Variants in GRID2 observed in about 807,000 individuals in gnomAD.
GRID2 encodes glutamate receptor ionotropic, delta-2.
Under a neutral mutation model 114.8 loss-of-function variants are expected in GRID2, and 33 were observed. The observed-to-expected ratio is 0.29, with a 90% CI of 0.22 to 0.38. The LOEUF (loss-of-function observed/expected upper bound fraction) is 0.38, where lower values mean the gene tolerates loss of function less well. Ranked by LOEUF, GRID2 falls within the 10% of genes least tolerant of loss-of-function variation. The probability of loss-of-function intolerance (pLI) is 1.00; values close to 1 mark genes in which losing one functional copy is unlikely to be tolerated. For missense variants in GRID2, 1,184 were observed against 1,257.7 expected (o/e 0.94, Z 0.89); for synonymous variants, 505 against 449.9 (o/e 1.12, Z -1.55).
intron 9 of GRID2, among the ~76,000 whole-genome samples, chr4:93,399,728 A>C (rs1450460203): frequency 2.6e-5 from 4 of 152,076 alleles, no homozygotes; most frequent in African/African-American, 9.7e-5. Flanking sequence ...AACTGGGAAT[A>C]AGGGATACAC....
intron 1 of GRID2, among the ~76,000 whole-genome samples, chr4:92,577,054 TG>T (rs142879446): frequency 6.6e-6 from 1 of 152,340 alleles, no homozygotes; most frequent in African/African-American, 2.4e-5. Context: ...TTCTCCATTT[TG>T]ATTTTAATAG....
At chr4:93,318,001 ATATATATATATATATATATATT>A (rs1756852019) in intron 8 of GRID2, among the ~76,000 whole-genome samples, 1 of 136,206 alleles carries the variant, frequency 7.3e-6, no homozygotes, top group Admixed American at 7.4e-5. Context: ...ATATATATAT[ATATATATATATATATATATATT>A]ACTACTTTCT....
At chr4:93,492,160 C>G (rs910256348) in intron 12 of GRID2, among the ~76,000 whole-genome samples, 1 of 151,754 alleles carries the variant, frequency 6.6e-6, no homozygotes, top group Admixed American at 6.6e-5. Context: ...AAAATGATTA[C>G]AACAGCCCAG....
At chr4:92,627,225 A>T (rs905538544) in intron 2 of GRID2, among the ~76,000 whole-genome samples, 1 of 152,120 alleles carries the variant, frequency 6.6e-6, no homozygotes, top group South Asian at 2.1e-4. Context: ...TTTAGGAGGC[A>T]GTGGATGTTA....
At chr4:93,336,942 A>G (rs999700132) in intron 8 of GRID2, among the ~76,000 whole-genome samples, 1 of 145,944 alleles carries the variant, frequency 6.9e-6, no homozygotes, top group African/African-American at 2.8e-5. Context: ...TAGTGTAAAT[A>G]TTTTGTAAAA....
At chr4:92,935,220 C>T (rs1202103991) in intron 2 of GRID2, among the ~76,000 whole-genome samples, 4 of 146,460 alleles carry the variant, frequency 2.7e-5, no homozygotes, top group Non-Finnish European at 6.0e-5. Context: ...AAAAAGTGGG[C>T]AAAGGACATG....
chr4:93,054,970 T>A (rs1238818673), intron 2 of GRID2, among the ~76,000 whole-genome samples: 1 of 152,058 alleles, frequency 6.6e-6, no homozygotes, highest in East Asian at 1.9e-4. Flanking sequence ...TTTACACACA[T>A]GGGGACAAGT....
At chr4:93,756,152 G>A (rs889209725) in intron 14 of GRID2, among the ~76,000 whole-genome samples, 3 of 152,084 alleles carry the variant, frequency 2.0e-5, no homozygotes, top group East Asian at 1.9e-4. Context: ...ACTTATTAAC[G>A]AGGAGAAGAA....
At position 92,992,007 on chromosome 4, in the gene GRID2, G is replaced by C. The variant is rs1279324163; in HGVS notation, c.245-92988G>C. ...TACATTGGCAAAGGTAAATTGCACT[G>C]TCTCGTAGCCCTGCACCTTTGTAAC... On this transcript the variant is annotated intron_variant, in intron 2 of 15. Transcript: ENST00000282020. Among the ~76,000 whole-genome samples, 8 of 152,248 alleles carry C rather than the reference G, an allele frequency of 5.3e-5. No homozygotes were observed. The East Asian group carries it at 1.5e-3, about 29-fold the overall frequency.
intron 8 of GRID2, among the ~76,000 whole-genome samples, chr4:93,331,136 C>CT (rs984980220): frequency 2.7e-5 from 4 of 147,066 alleles, no homozygotes; most frequent in African/African-American, 1.0e-4. Flanking sequence ...ACCCCCCCCC[C>CT]ATTTCACTCA....
At chr4:93,259,541 G>T (rs1487933788) in intron 8 of GRID2, among the ~76,000 whole-genome samples, 1 of 151,710 alleles carries the variant, frequency 6.6e-6, no homozygotes, top group Non-Finnish European at 1.5e-5. Context: ...TTAATAAAGA[G>T]ATTTTCAAAG....
chr4:93,472,051 G>A (rs984330499), intron 11 of GRID2, among the ~76,000 whole-genome samples: 21 of 151,388 alleles, frequency 1.4e-4, no homozygotes, highest in African/African-American at 2.9e-4. Flanking sequence ...TTGGCCAGGC[G>A]CGGTGGCTCA....
At chr4:93,224,860 C>T in intron 7 of GRID2, 85 bp downstream of exon 7, 2 of 944,174 alleles carry the variant, frequency 2.1e-6, no homozygotes, top group Non-Finnish European at 3.2e-6. Flanking sequence ...TTTAATATTT[C>T]TACAAATTCT....
intron 8 of GRID2, among the ~76,000 whole-genome samples, chr4:93,315,093 G>A (rs1756445513): frequency 6.6e-6 from 1 of 152,104 alleles, no homozygotes; most frequent in South Asian, 2.1e-4. Context: ...GTCTTACATG[G>A]TGGCATGTAA....
intron 2 of GRID2, among the ~76,000 whole-genome samples, chr4:92,903,368 C>T (rs556480890): frequency 6.6e-6 from 1 of 152,008 alleles, no homozygotes; most frequent in African/African-American, 2.4e-5. Context: ...ATATCCAATG[C>T]TCCTAGATTT....
At chr4:92,538,588 T>C (rs1313812957) in intron 1 of GRID2, among the ~76,000 whole-genome samples, 6 of 152,248 alleles carry the variant, frequency 3.9e-5, no homozygotes, top group Non-Finnish European at 7.4e-5. Flanking sequence ...TTTTGAAGTT[T>C]AAATAATATA....
chr4:93,013,447 C>T (rs1407675967), intron 2 of GRID2, among the ~76,000 whole-genome samples: 2 of 151,848 alleles, frequency 1.3e-5, no homozygotes, highest in African/African-American at 4.8e-5. Flanking sequence ...ATACACTATC[C>T]ATATGTTGCT....
chr4:93,277,437 C>G (rs1440341305), intron 8 of GRID2, among the ~76,000 whole-genome samples: 1 of 151,692 alleles, frequency 6.6e-6, no homozygotes, highest in African/African-American at 2.4e-5. Context: ...TCAAAAATCA[C>G]AAGACATTTG....
intron 2 of GRID2, among the ~76,000 whole-genome samples, chr4:92,955,681 A>G (rs988477783): frequency 2.6e-5 from 4 of 151,992 alleles, no homozygotes. Context: ...TTAGACATGA[A>G]GTCCTTGCCC....
Sources: gnomAD v4.1 joint callset for allele counts (sites outside exome capture counted in the v4.1 genomes callset) on GRCh38, gnomAD v4.1.1 for gene constraint, MANE v1.5 for transcripts, NCBI Gene and HGNC (gene_info 2026-07-23, HGNC 2026-07-21) for gene names.